CLYBL: variants seen among roughly 807,000 people sequenced by gnomAD.
CLYBL encodes the protein citramalyl-CoA lyase.
Under a neutral mutation model 38.9 loss-of-function variants are expected in CLYBL, and 31 were observed. That is an observed-to-expected ratio of 0.80 (90% confidence interval 0.60 to 1.08). The LOEUF (loss-of-function observed/expected upper bound fraction) is 1.08. CLYBL is among the 50% of genes least tolerant of loss of function. The pLI is 0.00. For synonymous variants in CLYBL, 171 were observed against 158.6 expected (o/e 1.08, Z -0.59); for missense variants, 434 against 411.6 (o/e 1.05, Z -0.47).
chr13:99,742,426 G>C (rs1165606698), intron 1 of CLYBL, among the ~76,000 whole-genome samples: 3 of 152,130 alleles, frequency 2.0e-5, no homozygotes, highest in African/African-American at 7.2e-5. Context: ...GAAGAGTTAC[G>C]CTTTTACTTA....
chr13:99,848,820 T>C (rs1032303331), intron 2 of CLYBL, among the ~76,000 whole-genome samples: 1 of 152,088 alleles, frequency 6.6e-6, no homozygotes, highest in Non-Finnish European at 1.5e-5. Flanking sequence ...CACAGACAAA[T>C]CTGAGCATGG....
chr13:99,883,946 C>T (rs1183124331), intron 7 of CLYBL, among the ~76,000 whole-genome samples: 1 of 152,206 alleles, frequency 6.6e-6, no homozygotes, highest in African/African-American at 2.4e-5. Flanking sequence ...CATAAACTCA[C>T]TTGCCCTTTA....
chr13:99,633,210 C>CA (rs59801603), intron 1 of CLYBL, among the ~76,000 whole-genome samples: 1,074 of 62,602 alleles, frequency 0.017, 46 homozygotes, highest in African/African-American at 0.04. Flanking sequence ...GATCCTGTCT[C>CA]AAAAAAAAAA....
intron 1 of CLYBL, among the ~76,000 whole-genome samples, chr13:99,728,398 C>T (rs1417111519): frequency 6.6e-6 from 1 of 151,266 alleles, no homozygotes; most frequent in East Asian, 2.0e-4. Context: ...CCTGCCTCAG[C>T]CTCCCGAGTA....
At chr13:99,650,258 G>A (rs1303095065) in intron 1 of CLYBL, among the ~76,000 whole-genome samples, 9 of 147,216 alleles carry the variant, frequency 6.1e-5, no homozygotes, top group Admixed American at 1.4e-4. Context: ...GCCAGACTCC[G>A]TCTCAAAAAA....
intron 2 of CLYBL, among the ~76,000 whole-genome samples, chr13:99,816,726 C>T (rs942076739): frequency 3.9e-5 from 6 of 152,186 alleles, no homozygotes; most frequent in African/African-American, 7.2e-5. Context: ...CACCAAACAC[C>T]GAATTTGCCA....
At chr13:99,781,369 AC>A (rs1262652729) in intron 2 of CLYBL, among the ~76,000 whole-genome samples, 1 of 151,346 alleles carries the variant, frequency 6.6e-6, no homozygotes, top group African/African-American at 2.4e-5. Flanking sequence ...ATGGGGTTTC[AC>A]TGTGTTAGCC....
chr13:99,651,590 T>C (rs1373137991), intron 1 of CLYBL, among the ~76,000 whole-genome samples: 1 of 150,808 alleles, frequency 6.6e-6, no homozygotes, highest in Non-Finnish European at 1.5e-5. Flanking sequence ...TGAATAAATA[T>C]TTTTTGAGTG....
At chr13:99,891,126 T>A (rs1369267181) in intron 7 of CLYBL, among the ~76,000 whole-genome samples, 192 bp from the exon 8 acceptor site, 1 of 152,142 alleles carries the variant, frequency 6.6e-6, no homozygotes, top group Non-Finnish European at 1.5e-5. Flanking sequence ...AAGATTTTTA[T>A]TTTTTTCCCC....
At chr13:99,636,079 A>C (rs375941244) in intron 1 of CLYBL, among the ~76,000 whole-genome samples, 1 of 152,224 alleles carries the variant, frequency 6.6e-6, no homozygotes, top group African/African-American at 2.4e-5. Context: ...TACATTTGCT[A>C]AGTTAAAAGA....
At chr13:99,731,537 G>T (rs1488173740) in intron 1 of CLYBL, among the ~76,000 whole-genome samples, 1 of 150,934 alleles carries the variant, frequency 6.6e-6, no homozygotes, top group African/African-American at 2.4e-5. Flanking sequence ...ATGCCTCAAA[G>T]CATTGAAATA....
intron 1 of CLYBL, among the ~76,000 whole-genome samples, chr13:99,685,115 C>T (rs1223569702): frequency 6.6e-6 from 1 of 152,190 alleles, no homozygotes; most frequent in Non-Finnish European, 1.5e-5. Context: ...CCATAGGAGT[C>T]TTGTTGCTAA....
chr13:99,717,481 GC>G (rs1395972992), intron 1 of CLYBL, among the ~76,000 whole-genome samples: 2 of 149,438 alleles, frequency 1.3e-5, no homozygotes, highest in Admixed American at 1.3e-4. Flanking sequence ...TTTTTTTGAG[GC>G]AGGGTCTCGG....
intron 1 of CLYBL, among the ~76,000 whole-genome samples, chr13:99,614,112 A>C (rs1377232737): frequency 6.6e-6 from 1 of 152,028 alleles, no homozygotes; most frequent in Non-Finnish European, 1.5e-5. Context: ...AGGAGGATGG[A>C]GTTGGAGGGG....
chr13:99,682,931 T>C (rs1288890053), intron 1 of CLYBL, among the ~76,000 whole-genome samples: 1 of 151,780 alleles, frequency 6.6e-6, no homozygotes, highest in Non-Finnish European at 1.5e-5. Context: ...GAGACGGGGG[T>C]TTCGCCATGT....
chr13:99,826,210 T>C lies in CLYBL; in HGVS notation c.250-32651T>C, dbSNP rs115348978. Among the ~76,000 whole-genome samples the C allele has an allele frequency of 3.3e-3, 502 of 152,316 alleles. 1 individual carries two copies. The highest frequency in any genetic ancestry group is 0.011 in the African/African-American group (472 of 41,552). ...TGAGTGTGGTCAACACTACAGTCAG[T>C]TGATTTATGTATAGGTGGTTGCCCT... is the stretch of plus-strand genomic sequence containing the variant. On this transcript the variant is annotated intron_variant, in intron 2 of 8. Transcript: ENST00000339105.
chr13:99,779,344 C>T (rs946320885), intron 2 of CLYBL, among the ~76,000 whole-genome samples: 3 of 151,904 alleles, frequency 2.0e-5, no homozygotes, highest in Non-Finnish European at 4.4e-5. Context: ...GGTTTCACCA[C>T]GTTGGCCAGG....
chr13:99,858,841 CTT>C lies in CLYBL; in HGVS notation c.250-16_250-15del, dbSNP rs768237097. ...CTCAATGATAAAAATAAACAATAAA[CTT>C]TTTATTGACACTTACAGAATGAAGC... On this transcript the variant is annotated intron_variant, in intron 2 of 8. Coordinates refer to ENST00000339105, the MANE Select transcript of CLYBL (RefSeq NM_206808.5). 1.3e-6 allele frequency: 2 copies of C among 1,558,618 alleles called. No homozygotes were observed. Among genetic ancestry groups the C allele is most frequent in the African/African-American group, 1.4e-5 (1 of 72,664 alleles).
intron 1 of CLYBL, among the ~76,000 whole-genome samples, chr13:99,758,076 G>A (rs962418926): frequency 6.6e-6 from 1 of 152,314 alleles, no homozygotes; most frequent in South Asian, 2.1e-4. Context: ...TAAGTGGCAA[G>A]GACCTAGAAA....
Sources: allele counts gnomAD v4.1 joint callset (sites outside exome capture counted in the v4.1 genomes callset), GRCh38; gene constraint gnomAD v4.1.1; transcripts MANE v1.5; gene names NCBI Gene and HGNC (gene_info 2026-07-23, HGNC 2026-07-21).